The following OXR1 variants were observed in gnomAD, a reference collection of about 807,000 sequenced individuals.
The protein encoded by OXR1 is oxidation resistance 1.
A neutral mutation model predicts 104.6 loss-of-function variants in OXR1; 41 were observed. The observed-to-expected ratio is 0.39, with a 90% CI of 0.31 to 0.51. The LOEUF (loss-of-function observed/expected upper bound fraction) is 0.51. Ranked by LOEUF, OXR1 falls within the 20% of genes least tolerant of loss-of-function variation. The pLI is 0.77. For synonymous variants in OXR1, 348 were observed against 348.4 expected, an observed-to-expected ratio of 1.00 and a Z score of 0.01; for missense variants, 955 against 1,031.9, an observed-to-expected ratio of 0.93 and a Z score of 1.02.
At chr8:106,377,285 C>T (rs528131667) in intron 2 of OXR1, among the ~76,000 whole-genome samples, 84 of 151,986 alleles carry the variant, frequency 5.5e-4, no homozygotes, top group African/African-American at 2.0e-3. Context: ...TGAGCCCAAG[C>T]GATCTTTCCG....
intron 2 of OXR1, among the ~76,000 whole-genome samples, chr8:106,421,459 C>A (rs1818903765): frequency 6.6e-6 from 1 of 152,090 alleles, no homozygotes; most frequent in East Asian, 1.9e-4. Context: ...CCATTGTAAG[C>A]CTGTGGTTAG....
At chr8:106,513,410 T>TAC (rs10582378) in intron 2 of OXR1, among the ~76,000 whole-genome samples, 6,361 of 150,892 alleles carry the variant, frequency 0.042, 228 homozygotes, top group African/African-American at 0.09. Context: ...CGTGGATTTA[T>TAC]ACACACACAC....
chr8:106,476,383 G>A (rs988778505), intron 2 of OXR1, among the ~76,000 whole-genome samples: 1 of 151,916 alleles, frequency 6.6e-6, no homozygotes, highest in Non-Finnish European at 1.5e-5. Flanking sequence ...TCGTTGTCCA[G>A]ACCTTCCTGT....
At chr8:106,422,647 G>A (rs944423471) in intron 2 of OXR1, among the ~76,000 whole-genome samples, 10 of 151,758 alleles carry the variant, frequency 6.6e-5, no homozygotes, top group African/African-American at 1.7e-4. Context: ...GAGTTCATAC[G>A]GACCCTTATA....
intron 6 of OXR1, 112 bp downstream of exon 6, chr8:106,684,471 T>C: frequency 1.6e-6 from 1 of 631,946 alleles, no homozygotes; most frequent in Non-Finnish European, 2.8e-6. Context: ...AATATTTCCT[T>C]TTTATTTTGT....
In OXR1 at chr8:106,658,660, C is replaced by T. The variant is rs958982773; in HGVS notation, c.221-20550C>T. 3.9e-5 allele frequency among the ~76,000 whole-genome samples: 6 copies of T among 152,182 alleles called. No homozygotes were observed. The South Asian group carries it at 1.2e-3, about 31-fold the overall frequency. On this transcript the variant is annotated intron_variant, in intron 3 of 16. Coordinates refer to ENST00000517566, the MANE Select transcript of OXR1 (RefSeq NM_001198533.2). ...CCGAAAAATAAAAAGCCAGATACTT[C>T]TTTGTAAAATAAAACACTTCATTAA...
chr8:106,361,890 T>G (rs2130346036), intron 2 of OXR1, among the ~76,000 whole-genome samples: 1 of 152,316 alleles, frequency 6.6e-6, no homozygotes, highest in African/African-American at 2.4e-5. Context: ...TGATTTAGCC[T>G]GACTAGTGCA....
chr8:106,443,676 T>C (rs1454792078), intron 2 of OXR1, among the ~76,000 whole-genome samples: 2 of 152,202 alleles, frequency 1.3e-5, no homozygotes, highest in African/African-American at 4.8e-5. Context: ...CTTCTTTGTC[T>C]TTTTTGATCT....
intron 2 of OXR1, among the ~76,000 whole-genome samples, chr8:106,370,444 G>T (rs1816656120): frequency 6.6e-6 from 1 of 152,168 alleles, no homozygotes; most frequent in Non-Finnish European, 1.5e-5. Context: ...TGTTGAGGAG[G>T]AGTGGTGAGA....
intron 11 of OXR1, among the ~76,000 whole-genome samples, chr8:106,714,302 G>C (rs535319090): frequency 1.3e-5 from 2 of 152,060 alleles, no homozygotes; most frequent in East Asian, 3.9e-4. Flanking sequence ...TAATTTTGCT[G>C]TTATATTAAT....
chr8:106,317,963 C>G (rs1814042815), intron 1 of OXR1, among the ~76,000 whole-genome samples: 1 of 151,932 alleles, frequency 6.6e-6, no homozygotes, highest in African/African-American at 2.4e-5. Context: ...AGAAAATAAA[C>G]CTGTAAAGAA....
At chr8:106,505,818 A>G (rs527378374) in intron 2 of OXR1, among the ~76,000 whole-genome samples, 1 of 152,328 alleles carries the variant, frequency 6.6e-6, no homozygotes, top group African/African-American at 2.4e-5. Flanking sequence ...GACCATTGAA[A>G]GATGCTTAGA....
At chr8:106,353,833 T>C (rs1258156764) in intron 1 of OXR1, among the ~76,000 whole-genome samples, 1 of 151,850 alleles carries the variant, frequency 6.6e-6, no homozygotes, top group Non-Finnish European at 1.5e-5. Context: ...ACAATAGATC[T>C]CCTGAACTTA....
At chr8:106,658,279 C>CG (rs934417598) in intron 3 of OXR1, 2 of 1,214,878 alleles carry the variant, frequency 1.6e-6, no homozygotes, top group African/African-American at 3.1e-5. Flanking sequence ...GGTCGCTGCC[C>CG]GGCTCTGGCA....
chr8:106,690,222 T>G (rs1299577778), intron 6 of OXR1, among the ~76,000 whole-genome samples: 1 of 150,724 alleles, frequency 6.6e-6, no homozygotes, highest in Non-Finnish European at 1.5e-5. Flanking sequence ...AAATGTAAGC[T>G]TATGTATTAT....
intron 1 of OXR1, among the ~76,000 whole-genome samples, chr8:106,277,572 T>C (rs1566786): frequency 0.043 from 6,575 of 152,316 alleles, 356 homozygotes; most frequent in African/African-American, 0.12. Flanking sequence ...TTCATGACTG[T>C]GTAAGTGGAG....
chr8:106,318,706 T>C (rs1405862525), intron 1 of OXR1, among the ~76,000 whole-genome samples: 1 of 152,224 alleles, frequency 6.6e-6, no homozygotes, highest in East Asian at 1.9e-4. Context: ...TTGCATTCCC[T>C]GGCTCCTTTG....
chr8:106,694,491 T>TATAAATATATTTATATATATATTTG (rs1563715892), intron 7 of OXR1, among the ~76,000 whole-genome samples: 38 of 72,070 alleles, frequency 5.3e-4, no homozygotes, highest in Admixed American at 3.4e-3. Flanking sequence ...ATATTTGATA[T>TATAAATATATTTATATATATATTTG]ATAAATATGT....
intron 3 of OXR1, among the ~76,000 whole-genome samples, chr8:106,648,616 G>C (rs2130992178): frequency 6.6e-6 from 1 of 152,276 alleles, no homozygotes; most frequent in Non-Finnish European, 1.5e-5. Flanking sequence ...GGGGGCAGGG[G>C]CAGAATTTCT....
Sources: gnomAD v4.1 joint callset for allele counts (sites outside exome capture counted in the v4.1 genomes callset) on GRCh38, gnomAD v4.1.1 for gene constraint, MANE v1.5 for transcripts, NCBI Gene and HGNC (gene_info 2026-07-23, HGNC 2026-07-21) for gene names.